The following PTCHD4 variants were observed in gnomAD, a reference collection of about 807,000 sequenced individuals.
PTCHD4 encodes patched domain containing 4, also known as patched domain-containing protein 4.
A neutral mutation model predicts 58.1 loss-of-function variants in PTCHD4; 33 were observed. The ratio of observed to expected loss-of-function variants is 0.57; its 90% CI spans 0.43 to 0.76. The LOEUF is 0.76. Ranked by LOEUF, PTCHD4 falls within the 30% of genes least tolerant of loss-of-function variation. The pLI is 0.00. For missense variants in PTCHD4, 1,058 were observed against 1,027.1 expected, an observed-to-expected ratio of 1.03 and a Z score of -0.41; for synonymous variants, 478 against 409.6, an observed-to-expected ratio of 1.17 and a Z score of -2.02.
chr6:47,886,185 AT>A (rs1764190825), intron 4 of PTCHD4, among the ~76,000 whole-genome samples: 1 of 148,714 alleles, frequency 6.7e-6, no homozygotes. Flanking sequence ...TACAGTTGCC[AT>A]TTTAATCCTA....
rs138546849 is a variant in PTCHD4, at chr6:48,102,529, C to T, written c.-970+8520G>A. Among the ~76,000 whole-genome samples the T allele has an allele frequency of 1.4e-4, 21 of 152,322 alleles. No homozygotes were observed. In the East Asian group the frequency reaches 3.5e-3, roughly 25 times the overall value. On this transcript the variant is annotated intron_variant, in intron 1 of 4. Transcript: ENST00000339488. ...AACAGCTCCAGTCTACAGTTCCCAG[C>T]GTGAGCGATGCAGAAGACGGGTGAT...
chr6:48,035,090 T>G (rs1582054619), intron 3 of PTCHD4, among the ~76,000 whole-genome samples: 1 of 152,296 alleles, frequency 6.6e-6, no homozygotes. Flanking sequence ...ACTTTTGCGC[T>G]GAAATTATAT....
chr6:47,872,965 A>G lies in PTCHD4; in HGVS notation c.*5338T>C, dbSNP rs1469595956. 6.6e-6 allele frequency among the ~76,000 whole-genome samples: 1 copy of G among 151,718 alleles called. No individual in the cohort carries two copies. Among genetic ancestry groups the G allele is most frequent in the Non-Finnish European group, 1.5e-5 (1 of 67,772 alleles). On this transcript the variant is annotated 3_prime_UTR_variant, in exon 5 of 5. Coordinates refer to ENST00000339488, the MANE Select transcript of PTCHD4 (RefSeq NM_001384253.1). ...AAAAAACTGATTAGAAAAAGTGTTC[A>G]TTATGACTCAAAGACTCACAAAATA...
rs1763432214 is a variant in PTCHD4 at position 47,861,810 on chromosome 6, G to A, written c.*16493C>T. Among the ~76,000 whole-genome samples the A allele has an allele frequency of 6.6e-6, 1 of 151,854 alleles. No homozygotes were observed. The highest frequency in any genetic ancestry group is 2.4e-5 in the African/African-American group (1 of 41,400). ...TCCGCTGAGCAATTTGAACTGCTTT[G>A]TCCCTCACACAGGACTTTGTACATC... is the stretch of plus-strand genomic sequence containing the variant. On this transcript the variant is annotated 3_prime_UTR_variant, in exon 5 of 5. Transcript: ENST00000339488.
chr6:47,927,086 C>T (rs908754279), intron 4 of PTCHD4, among the ~76,000 whole-genome samples: 1 of 152,104 alleles, frequency 6.6e-6, no homozygotes, highest in Non-Finnish European at 1.5e-5. Context: ...ACTGGGGATC[C>T]CCCAAGTTCT....
chr6:48,090,332 G>T (rs569746952), intron 1 of PTCHD4, among the ~76,000 whole-genome samples: 6 of 152,248 alleles, frequency 3.9e-5, no homozygotes, highest in South Asian at 2.1e-4. Context: ...TGGAGGGAAC[G>T]TCATTCTCAG....
At chr6:47,993,484 G>A (rs1768356114) in intron 4 of PTCHD4, among the ~76,000 whole-genome samples, 1 of 152,158 alleles carries the variant, frequency 6.6e-6, no homozygotes, top group Non-Finnish European at 1.5e-5. Flanking sequence ...CCTGGCCTCT[G>A]AAAGGAGATG....
intron 3 of PTCHD4, among the ~76,000 whole-genome samples, chr6:48,023,729 A>AT (rs1393561172): frequency 1.2e-4 from 19 of 152,116 alleles, no homozygotes; most frequent in Non-Finnish European, 2.5e-4. Flanking sequence ...AGCAATCAAT[A>AT]TTTTTTCTTC....
intron 3 of PTCHD4, among the ~76,000 whole-genome samples, chr6:48,031,715 C>A (rs1763449099): frequency 6.6e-6 from 1 of 151,862 alleles, no homozygotes; most frequent in Admixed American, 6.6e-5. Flanking sequence ...AGCATTTCCC[C>A]AAAAATACAT....
intron 4 of PTCHD4, among the ~76,000 whole-genome samples, chr6:47,982,616 G>A (rs1197893509): frequency 6.6e-6 from 1 of 151,786 alleles, no homozygotes; most frequent in African/African-American, 2.4e-5. Flanking sequence ...AGCCTCCCGA[G>A]TAGCTGGGAC....
chr6:47,989,863 G>T (rs1768216492), intron 4 of PTCHD4, among the ~76,000 whole-genome samples: 1 of 152,148 alleles, frequency 6.6e-6, no homozygotes, highest in Non-Finnish European at 1.5e-5. Context: ...GTGCGAAGAA[G>T]GCCACTGTCT....
rs910481334 is a variant in PTCHD4 at position 47,870,390 on chromosome 6, T to A, written c.*7913A>T. On this transcript the variant is annotated 3_prime_UTR_variant, in exon 5 of 5. Transcript: ENST00000339488. ...AACAAGGAAATATTTGGAACATAAT[T>A]TCCCTTGACTGAGGTATGAGATTCA... 2.0e-5 allele frequency among the ~76,000 whole-genome samples: 3 copies of A among 151,710 alleles called. No homozygotes were observed. The highest frequency in any genetic ancestry group is 7.2e-5 in the African/African-American group (3 of 41,404).
chr6:47,878,138 C>T lies in PTCHD4; in HGVS notation c.*165G>A. On this transcript the variant is annotated 3_prime_UTR_variant, in exon 5 of 5. Transcript: ENST00000339488. ...ACTTTTTCCTCTTTTTTTATTCCCT[C>T]TTCCCCCCAAGAAGCAGGCACCTTG... The T allele has an allele frequency of 5.4e-6, 3 of 556,786 alleles. No homozygotes were observed. Among genetic ancestry groups the T allele is most frequent in the African/African-American group, 1.9e-5 (1 of 52,450 alleles). The allele number at this position is 556,786 out of a possible 1,614,324, so 34.5% of individuals were successfully genotyped here. A position where few individuals can be genotyped will look rare whatever the true frequency, so the allele number is the denominator to read the frequency against.
intron 4 of PTCHD4, among the ~76,000 whole-genome samples, chr6:47,881,752 T>A (rs1306849700): frequency 6.6e-6 from 1 of 152,172 alleles, no homozygotes; most frequent in South Asian, 2.1e-4. Flanking sequence ...GGCCAAACTT[T>A]TGGTAGTTTT....
intron 4 of PTCHD4, among the ~76,000 whole-genome samples, chr6:47,921,697 ATCT>A (rs1397393188): frequency 6.6e-6 from 1 of 152,132 alleles, no homozygotes; most frequent in Non-Finnish European, 1.5e-5. Flanking sequence ...AGACAAGGAC[ATCT>A]TCTGTAGCTG....
intron 1 of PTCHD4, among the ~76,000 whole-genome samples, chr6:48,097,095 T>A (rs1765486981): frequency 3.9e-5 from 6 of 152,114 alleles, no homozygotes; most frequent in Admixed American, 2.6e-4. Context: ...CGTATTACCA[T>A]AGATCAAAAA....
intron 4 of PTCHD4, among the ~76,000 whole-genome samples, chr6:48,004,757 A>G (rs1762364396): frequency 6.6e-6 from 1 of 152,108 alleles, no homozygotes; most frequent in Non-Finnish European, 1.5e-5. Context: ...TCTCTACTAA[A>G]AATACAAAAA....
chr6:48,017,530 A>T (rs75965782), intron 3 of PTCHD4, among the ~76,000 whole-genome samples: 1 of 152,232 alleles, frequency 6.6e-6, no homozygotes, highest in Non-Finnish European at 1.5e-5. Flanking sequence ...TTAAAAGAGA[A>T]CTCCAACATA....
At chr6:48,003,693 C>T (rs1768828643) in intron 4 of PTCHD4, among the ~76,000 whole-genome samples, 1 of 152,142 alleles carries the variant, frequency 6.6e-6, no homozygotes, top group African/African-American at 2.4e-5. Flanking sequence ...CAAAATACTT[C>T]AAACAGCTTT....
Sources: gnomAD v4.1 joint callset for allele counts (sites outside exome capture counted in the v4.1 genomes callset) on GRCh38, gnomAD v4.1.1 for gene constraint, MANE v1.5 for transcripts, NCBI Gene and HGNC (gene_info 2026-07-23, HGNC 2026-07-21) for gene names.